SYNPR: variants seen among roughly 807,000 people sequenced by gnomAD.
SYNPR encodes synaptoporin.
Under a neutral mutation model 32.9 loss-of-function variants are expected in SYNPR, and 23 were observed. That is an observed-to-expected ratio of 0.70 (90% confidence interval 0.50 to 0.99). SYNPR has a LOEUF of 0.99. SYNPR is among the 50% of genes least tolerant of loss of function. The probability of loss-of-function intolerance (pLI) is 0.00; values close to 1 mark genes in which losing one functional copy is unlikely to be tolerated. For synonymous variants in SYNPR, 146 were observed against 135.9 expected, an observed-to-expected ratio of 1.07 and a Z score of -0.52; for missense variants, 318 against 349.3, an observed-to-expected ratio of 0.91 and a Z score of 0.71.
At chr3:63,461,552 C>G (rs1474986223) in intron 2 of SYNPR, among the ~76,000 whole-genome samples, 1 of 152,016 alleles carries the variant, frequency 6.6e-6, no homozygotes, top group African/African-American at 2.4e-5. Context: ...TGTATCCCAT[C>G]CCAGCATCTG....
chr3:63,231,323 G>T (rs957666939), intron 1 of SYNPR, among the ~76,000 whole-genome samples: 3 of 152,112 alleles, frequency 2.0e-5, no homozygotes, highest in Admixed American at 2.0e-4. Context: ...CTGGGGACTG[G>T]TGGGAGGAGG....
chr3:63,258,232 C>G (rs1419992466), intron 2 of SYNPR, among the ~76,000 whole-genome samples: 1 of 152,220 alleles, frequency 6.6e-6, no homozygotes, highest in Non-Finnish European at 1.5e-5. Context: ...TAATAGACAT[C>G]TACAGAACTC....
chr3:63,202,000 C>T, the SYNPR span, among the ~76,000 whole-genome samples: 305 of 151,956 alleles, frequency 2.0e-3, 8 homozygotes, highest in East Asian at 0.051. Context: ...TTTATATTAA[C>T]TATTAATATC....
At chr3:63,446,659 G>A (rs912249523) in intron 2 of SYNPR, among the ~76,000 whole-genome samples, 3 of 152,142 alleles carry the variant, frequency 2.0e-5, no homozygotes, top group African/African-American at 7.2e-5. Flanking sequence ...AAAGGATTAT[G>A]AGTGGTGAAA....
chr3:63,430,993 G>C (rs1482845399), intron 2 of SYNPR, among the ~76,000 whole-genome samples: 1 of 152,170 alleles, frequency 6.6e-6, no homozygotes, highest in Admixed American at 6.5e-5. Context: ...TCCCCCACAG[G>C]GAAAGTGGCC....
the SYNPR span, among the ~76,000 whole-genome samples, chr3:63,222,798 T>C: frequency 1.3e-5 from 2 of 152,204 alleles, no homozygotes; most frequent in Non-Finnish European, 2.9e-5. Flanking sequence ...ATTACAAGCA[T>C]GAGCCACCGT....
chr3:63,387,761 G>A (rs2088072555), intron 2 of SYNPR, among the ~76,000 whole-genome samples: 1 of 152,142 alleles, frequency 6.6e-6, no homozygotes, highest in Non-Finnish European at 1.5e-5. Flanking sequence ...GGCTATTGAG[G>A]GTATTTGGAA....
intron 2 of SYNPR, among the ~76,000 whole-genome samples, chr3:63,451,160 T>C (rs1363908474): frequency 6.6e-6 from 1 of 152,168 alleles, no homozygotes; most frequent in Non-Finnish European, 1.5e-5. Flanking sequence ...AAGATTGCTG[T>C]CATAGATGAA....
chr3:63,276,179 G>T (rs1267257568), upstream of SYNPR, among the ~76,000 whole-genome samples: 1 of 152,086 alleles, frequency 6.6e-6, no homozygotes, highest in Non-Finnish European at 1.5e-5. Context: ...TCACTTGGTG[G>T]TTCTTAAAAC....
upstream of SYNPR, among the ~76,000 whole-genome samples, chr3:63,274,737 A>G (rs2086560831): frequency 6.6e-6 from 1 of 152,152 alleles, no homozygotes. Context: ...TTTCCAGATA[A>G]TTCTTTGTTT....
At chr3:63,231,911 A>G (rs1344007753) in intron 1 of SYNPR, among the ~76,000 whole-genome samples, 2 of 152,212 alleles carry the variant, frequency 1.3e-5, no homozygotes, top group Admixed American at 6.5e-5. Context: ...CCCTTATTTT[A>G]ACAAGATCAG....
At chr3:63,499,819 C>T (rs1701444000) in intron 3 of SYNPR, among the ~76,000 whole-genome samples, 2 of 151,852 alleles carry the variant, frequency 1.3e-5, no homozygotes, top group Non-Finnish European at 2.9e-5. Flanking sequence ...GAAATAAATA[C>T]ACAGGCACAC....
At chr3:63,233,733 G>A (rs1184013236) in intron 1 of SYNPR, among the ~76,000 whole-genome samples, 1 of 152,008 alleles carries the variant, frequency 6.6e-6, no homozygotes, top group Non-Finnish European at 1.5e-5. Flanking sequence ...TGTCTCCCAG[G>A]CTGTGTTTAG....
intron 3 of SYNPR, among the ~76,000 whole-genome samples, chr3:63,509,716 A>T (rs995188035): frequency 3.3e-5 from 5 of 152,170 alleles, no homozygotes; most frequent in African/African-American, 1.2e-4. Context: ...CCCCAGAAAG[A>T]TAATTATTTT....
intron 1 of SYNPR, among the ~76,000 whole-genome samples, chr3:63,251,324 C>CAA (rs113713917): frequency 3.4e-4 from 50 of 148,842 alleles, no homozygotes; most frequent in Middle Eastern, 3.5e-3. Flanking sequence ...ATCCTGGTAT[C>CAA]AAAAAAAAAA....
chr3:63,493,466 A>G (rs1201751042), intron 3 of SYNPR, among the ~76,000 whole-genome samples: 1 of 151,968 alleles, frequency 6.6e-6, no homozygotes, highest in African/African-American at 2.4e-5. Flanking sequence ...GACTCTCTCA[A>G]TGATAGGTTG....
At chr3:63,539,403 C>A (rs1455041194) in intron 3 of SYNPR, among the ~76,000 whole-genome samples, 1 of 152,066 alleles carries the variant, frequency 6.6e-6, no homozygotes, top group African/African-American at 2.4e-5. Context: ...AACAGGAATG[C>A]AAATAGAAAA....
chr3:63,526,758 G>A (rs752144225), intron 3 of SYNPR, among the ~76,000 whole-genome samples: 3 of 152,192 alleles, frequency 2.0e-5, no homozygotes, highest in Non-Finnish European at 4.4e-5. Flanking sequence ...ACTAGTCTAG[G>A]AAGCAGGTCT....
At chr3:63,258,523 T>G (rs564263830) in intron 2 of SYNPR, among the ~76,000 whole-genome samples, 5 of 152,218 alleles carry the variant, frequency 3.3e-5, no homozygotes, top group African/African-American at 1.2e-4. Flanking sequence ...TTGAAACGAA[T>G]GAGAACAAAG....
Sources: allele counts gnomAD v4.1 joint callset (sites outside exome capture counted in the v4.1 genomes callset), GRCh38; gene constraint gnomAD v4.1.1; transcripts MANE v1.5; gene names NCBI Gene and HGNC (gene_info 2026-07-23, HGNC 2026-07-21).